The following MST1R variants were observed in gnomAD, a reference collection of about 807,000 sequenced individuals.
MST1R encodes macrophage stimulating 1 receptor, also known as macrophage-stimulating protein receptor.
Under a neutral mutation model 117.8 loss-of-function variants are expected in MST1R, and 99 were observed. The ratio of observed to expected loss-of-function variants is 0.84; its 90% CI spans 0.71 to 0.99. The LOEUF (loss-of-function observed/expected upper bound fraction) is 0.99. MST1R is among the 50% of genes least tolerant of loss of function. MST1R has a pLI of 0.00. For synonymous variants in MST1R, 734 were observed against 765.3 expected, an observed-to-expected ratio of 0.96 and a Z score of 0.68; for missense variants, 1,683 against 1,840.2, an observed-to-expected ratio of 0.91 and a Z score of 1.56.
chr3:49,887,413 C>A lies in MST1R; in HGVS notation c.4097G>T (p.Ser1366Ile), dbSNP rs1368344560. The change falls in exon 20 of 20, where the codon AGC (serine) becomes ATC (isoleucine). Residue 1366 changes from serine (S) to isoleucine (I), a missense_variant. By Grantham distance (142) the Ser-to-Ile change is moderately radical. Transcript: ENST00000296474. Reference protein sequence around the residue: ...LPATYMNLGPSTSHEMNVRPE... With the variant: ...LPATYMNLGPITSHEMNVRPE... ...ACGCACATTCATCTCATGCGAGGTG[C>A]TGGGGCCCAAGTTCATGTAGGTTGC... 1 of 1,614,256 alleles carries A rather than the reference C, an allele frequency of 6.2e-7. No homozygotes were observed. The highest frequency in any genetic ancestry group is 1.7e-5 in the Admixed American group (1 of 60,038).
At chr3:49,891,620 C>CT (rs749056048) in intron 15 of MST1R, 40 bp from the exon 16 acceptor site, 179 of 1,611,636 alleles carry the variant, frequency 1.1e-4, no homozygotes, top group Non-Finnish European at 7.8e-5. Context: ...CAGGGCGTCC[C>CT]TTTATAAGGC....
Position 49,895,885 on chromosome 3 carries a change from G to T in MST1R, c.2797-5C>A. On this transcript the variant is annotated splice_region_variant and splice_polypyrimidine_tract_variant and intron_variant, in intron 11 of 19. Transcript: ENST00000296474. ...ACATTCACCATCTACGCAGACCTGGGGGCAGGTGGCAACTCAGGCCCAGCC... is the reference window on the plus strand; with the variant it reads ...ACATTCACCATCTACGCAGACCTGGTGGCAGGTGGCAACTCAGGCCCAGCC... 1 of 1,592,604 alleles carries T rather than the reference G, an allele frequency of 6.3e-7. No homozygotes were observed. The highest frequency in any genetic ancestry group is 8.6e-7 in the Non-Finnish European group (1 of 1,168,326).
chr3:49,902,758 G>A lies in MST1R; in HGVS notation c.852C>T (p.Ser284=), dbSNP rs746253809. ...AGTCACCCAACTCTGGCTCAGTGGCGCTAAGCCGTGCCAGGCGTGTGTGCA... is the reference window on the plus strand; with the variant it reads ...AGTCACCCAACTCTGGCTCAGTGGCACTAAGCCGTGCCAGGCGTGTGTGCA... ...SALHTRLARL[S]ATEPELGDYR... The change falls in exon 1 of 20, where the codon AGC becomes AGT. Residue 284 remains serine (S), a synonymous_variant. Transcript: ENST00000296474. The A allele has an allele frequency of 2.8e-5, 45 of 1,613,788 alleles. No homozygotes were observed. Among genetic ancestry groups the A allele is most frequent in the Non-Finnish European group, 3.1e-5 (36 of 1,180,054 alleles).
Position 49,890,652 on chromosome 3 carries a change from T to C in MST1R, c.3645-2A>G, listed in dbSNP as rs761073525. ...TTGACTGTGAATGACTCGTCCAGCC[T>C]TAGGGGTAGGGAGAGGATCACACTT... On this transcript the variant is annotated splice_acceptor_variant, in intron 17 of 19. Coordinates refer to ENST00000296474, the MANE Select transcript of MST1R (RefSeq NM_002447.4). LOFTEE classifies it high-confidence loss of function. The C allele has an allele frequency of 1.2e-6, 2 of 1,608,834 alleles. No individual in the cohort carries two copies. Among genetic ancestry groups the C allele is most frequent in the Non-Finnish European group, 1.7e-6 (2 of 1,176,468 alleles).
Position 49,898,052 on chromosome 3 carries a change from T to C in MST1R, c.1879A>G (p.Arg627Gly), listed in dbSNP as rs1334142739. The change falls in exon 5 of 20, where the codon AGA (arginine) becomes GGA (glycine). Residue 627 changes from arginine (R) to glycine (G), a missense_variant and splice_region_variant. Coordinates refer to ENST00000296474, the MANE Select transcript of MST1R (RefSeq NM_002447.4). The stretch of plus-strand genomic sequence containing the variant: ...GGGAGGGGAGGGACCAGATTGTACC[T>C]GAGTTTTGAGCTGTCCTTGGGCAGT... ...RPLPKDSSKLRPVPRKDFVEE... is the reference protein window; with the variant it reads ...RPLPKDSSKLGPVPRKDFVEE... The C allele has an allele frequency of 3.7e-6, 6 of 1,614,114 alleles. No homozygotes were observed. The highest frequency in any genetic ancestry group is 3.4e-6 in the Non-Finnish European group (4 of 1,180,018).
intron 1 of MST1R, among the ~76,000 whole-genome samples, chr3:49,901,743 A>C: frequency 2.2e-5 from 3 of 136,556 alleles, no homozygotes; most frequent in South Asian, 2.8e-4. Context: ...GCTCCCTGGA[A>C]CGTGGTGGCT....
chr3:49,894,812 A>AT (rs758558128), intron 14 of MST1R, among the ~76,000 whole-genome samples: 1,545 of 141,834 alleles, frequency 0.011, 19 homozygotes, highest in African/African-American at 0.027. Context: ...AGCCCATGTC[A>AT]TTTTTTTTTT....
At chr3:49,892,782 C>T (rs6795703) in intron 14 of MST1R, among the ~76,000 whole-genome samples, 68,597 of 151,106 alleles carry the variant, frequency 0.45, 16,181 homozygotes, top group Non-Finnish European at 0.5. Flanking sequence ...GATGAAACCC[C>T]GTCTCTACTA....
intron 18 of MST1R, 100 bp from the exon 19 acceptor site, chr3:49,890,160 G>A: frequency 7.0e-7 from 1 of 1,424,098 alleles, no homozygotes; most frequent in Non-Finnish European, 9.5e-7. Flanking sequence ...AGCTGGAAAT[G>A]GAAGACCCTA....
intron 4 of MST1R, 102 bp from the exon 5 acceptor site, chr3:49,898,313 C>T (rs2082552154): frequency 9.3e-6 from 14 of 1,509,704 alleles, no homozygotes; most frequent in African/African-American, 2.7e-5. Context: ...CTTCCCCACG[C>T]TCCAGCCATT....
intron 15 of MST1R, 34 bp downstream of exon 15, chr3:49,891,724 C>T: frequency 6.2e-7 from 1 of 1,612,226 alleles, no homozygotes; most frequent in Non-Finnish European, 8.5e-7. Flanking sequence ...CCTGAGGCCC[C>T]TCCCTCTGCC....
intron 18 of MST1R, 22 bp downstream of exon 18, chr3:49,890,463 T>C: frequency 6.2e-7 from 1 of 1,602,226 alleles, no homozygotes. Flanking sequence ...CCATGTGGAC[T>C]GTAGGGCAGG....
At chr3:49,895,394 G>A (rs774357415) in intron 13 of MST1R, 21 bp from the exon 14 acceptor site, 54 of 1,614,048 alleles carry the variant, frequency 3.3e-5, no homozygotes, top group Non-Finnish European at 4.2e-5. Context: ...AGGGAATGAG[G>A]AGCTTGTAGG....
intron 5 of MST1R, 28 bp from the exon 6 acceptor site, chr3:49,897,713 C>T (rs2082529651): frequency 6.3e-7 from 1 of 1,590,920 alleles, no homozygotes; most frequent in African/African-American, 1.3e-5. Flanking sequence ...CCCCTGAGGT[C>T]AGCCAGGAAT....
At chr3:49,890,112 G>A (rs562296473) in intron 18 of MST1R, 52 bp from the exon 19 acceptor site, 120 of 1,542,686 alleles carry the variant, frequency 7.8e-5, no homozygotes, top group Non-Finnish European at 1.0e-4. Flanking sequence ...TTTGGGGGCA[G>A]GTGGGTCCCC....
In MST1R at chr3:49,895,714, C is replaced by T. The variant is rs764461812; in HGVS notation, c.2962+1G>A. 3.1e-6 allele frequency: 5 copies of T among 1,612,060 alleles called. No homozygotes were observed. Among genetic ancestry groups the T allele is most frequent in the Non-Finnish European group, 3.4e-6 (4 of 1,179,984 alleles). ...ATTAAAGGTAGGAGCAGAGAACTCA[C>T]CTAGCTGCTTCCTCCGCCACCAGTA... On this transcript the variant is annotated splice_donor_variant, in intron 12 of 19. Coordinates refer to ENST00000296474, the MANE Select transcript of MST1R (RefSeq NM_002447.4). LOFTEE classifies it high-confidence loss of function.
chr3:49,893,517 T>C (rs2108410105), intron 14 of MST1R, among the ~76,000 whole-genome samples: 1 of 150,780 alleles, frequency 6.6e-6, no homozygotes, highest in South Asian at 2.1e-4. Flanking sequence ...GGCAGGAGAA[T>C]TGCTTGAACC....
chr3:49,899,491 G>A, intron 1 of MST1R: 1 of 444,084 alleles, frequency 2.3e-6, no homozygotes, highest in Non-Finnish European at 4.2e-6. Flanking sequence ...CATTCTCCCT[G>A]CCCCACCCTG....
At position 49,903,228 on chromosome 3, in the gene MST1R, C is replaced by A; in HGVS notation, c.382G>T (p.Ala128Ser). 6.2e-7 allele frequency: 1 copy of A among 1,607,500 alleles called. No homozygotes were observed. The highest frequency in any genetic ancestry group is 8.5e-7 in the Non-Finnish European group (1 of 1,179,968). The change falls in exon 1 of 20, where the codon GCG becomes TCG. Residue 128 changes from alanine (A) to serine (S), a missense_variant. Coordinates refer to ENST00000296474, the MANE Select transcript of MST1R (RefSeq NM_002447.4). Reference sequence around the variant, plus strand: ...CCACAACTGACCAGCGCAGGCAGCGCGGGATCCAGCACCAGCACCTTTGTG... The same window carrying A: ...CCACAACTGACCAGCGCAGGCAGCGAGGGATCCAGCACCAGCACCTTTGTG... ...TDTKVLVLDP[A>S]LPALVSCGSS...
Sources: gnomAD v4.1 joint callset for allele counts (sites outside exome capture counted in the v4.1 genomes callset) on GRCh38, gnomAD v4.1.1 for gene constraint, MANE v1.5 for transcripts, NCBI Gene and HGNC (gene_info 2026-07-23, HGNC 2026-07-21) for gene names.